TDRD6: variants seen among roughly 807,000 people sequenced by gnomAD.
TDRD6 encodes tudor domain-containing protein 6.
A neutral mutation model predicts 157.5 loss-of-function variants in TDRD6; 186 were observed. That is an observed-to-expected ratio of 1.18 (90% CI 1.05 to 1.33). TDRD6 has a LOEUF of 1.33. TDRD6 is among the 40% of genes most tolerant of loss of function. The pLI, the probability that TDRD6 is intolerant of heterozygous loss-of-function variation, is 0.00. For synonymous variants in TDRD6, 1,075 were observed against 945.2 expected, an observed-to-expected ratio of 1.14 and a Z score of -2.52; for missense variants, 3,066 against 2,508.0, an observed-to-expected ratio of 1.22 and a Z score of -4.75.
At position 46,692,457 on chromosome 6, in the gene TDRD6, C is replaced by T. The variant is rs747635902; in HGVS notation, c.4329C>T (p.Ser1443=). 23 of 1,613,754 alleles carry T rather than the reference C, an allele frequency of 1.4e-5. No individual in the cohort carries two copies. In the South Asian group the frequency reaches 2.2e-4, roughly 15 times the overall value. The change falls in exon 1 of 4, where the codon AGC becomes AGT. Residue 1443 remains serine (S), a synonymous_variant. Coordinates refer to ENST00000316081, the MANE Select transcript of TDRD6 (RefSeq NM_001010870.3). ...TGCATTACTTTTCCCAACGGACCAG[C>T]GAGGCTGCAATAAGATGTGAATTTG... ...KMMHYFSQRT[S]EAAIRCEFVK...
chr6:46,684,072 G>A (rs996206305), upstream of TDRD6, among the ~76,000 whole-genome samples: 2 of 152,084 alleles, frequency 1.3e-5, no homozygotes, highest in African/African-American at 4.8e-5. Flanking sequence ...CTTACAAATG[G>A]AGGCCAATCC....
rs926248937 is a variant in TDRD6, at chr6:46,704,285, A to G, written c.*2398A>G. On this transcript the variant is annotated 3_prime_UTR_variant, in exon 4 of 4. Coordinates refer to ENST00000316081, the MANE Select transcript of TDRD6 (RefSeq NM_001010870.3). ...TTTTTAACTTCGACACTGAAAAGGA[A>G]TCATCTTTAAAATTAAAATTTAGGC... 14 of 338,982 alleles carry G rather than the reference A, an allele frequency of 4.1e-5. No homozygotes were observed. Among genetic ancestry groups the G allele is most frequent in the Admixed American group, 8.7e-5 (2 of 22,962 alleles). 21.0% of individuals were successfully genotyped at this position (338,982 alleles called of 1,614,324 possible). A position where few individuals can be genotyped will look rare whatever the true frequency, so the allele number is the denominator to read the frequency against.
rs1554181194 is a variant in TDRD6 at position 46,693,582 on chromosome 6, A to G, written c.5454A>G (p.Thr1818=). 1.9e-6 allele frequency: 3 copies of G among 1,614,110 alleles called. No individual in the cohort carries two copies. Among genetic ancestry groups the G allele is most frequent in the Admixed American group, 3.3e-5 (2 of 60,000 alleles). Reference sequence around the variant, plus strand: ...AATACCTGATTACAGGATTTAACACATTACTACCACATGCTAATGAAACAA... The same window carrying G: ...AATACCTGATTACAGGATTTAACACGTTACTACCACATGCTAATGAAACAA... ...DDKYLITGFN[T]LLPHANETKE... The change falls in exon 1 of 4, where the codon ACA becomes ACG. Residue 1818 remains threonine, a synonymous_variant. Coordinates refer to ENST00000316081, the MANE Select transcript of TDRD6 (RefSeq NM_001010870.3).
upstream of TDRD6, among the ~76,000 whole-genome samples, chr6:46,685,011 T>TG (rs1375502848): frequency 6.7e-6 from 1 of 148,606 alleles, no homozygotes; most frequent in South Asian, 2.1e-4. Flanking sequence ...TATAACATTG[T>TG]GGGTTTTTTT....
chr6:46,695,686 C>A, intron 1 of TDRD6, 135 bp from the exon 2 acceptor site: 1 of 780,124 alleles, frequency 1.3e-6, no homozygotes, highest in Non-Finnish European at 1.9e-6. Flanking sequence ...TTGAGGGAGA[C>A]AGTCATACCA....
Position 46,687,975 on chromosome 6 carries a change from T to G in TDRD6, c.-154T>G. On this transcript the variant is annotated 5_prime_UTR_variant, in exon 1 of 4. Coordinates refer to ENST00000316081, the MANE Select transcript of TDRD6 (RefSeq NM_001010870.3). ...TCCCGGAGGACCCTCGACGGGGGAG[T>G]TGCCGAGAAAAGGCCTCGCCGGCAT... The G allele has an allele frequency of 1.6e-6, 2 of 1,213,242 alleles. No homozygotes were observed. The highest frequency in any genetic ancestry group is 1.8e-5 in the South Asian group (1 of 54,296). The allele number at this position is 1,213,242 out of a possible 1,614,324, so 75.2% of individuals were successfully genotyped here.
rs765591321 is a variant in TDRD6 at position 46,689,335 on chromosome 6, A to C, written c.1207A>C (p.Lys403Gln). The C allele has an allele frequency of 3.7e-6, 6 of 1,614,164 alleles. No homozygotes were observed. In the East Asian group the frequency reaches 1.3e-4, roughly 36 times the overall value. ...VGDLKTLILG[K>Q]AVNAKIEFYC... ...TGACCTGAAGACACTGATACTAGGCAAGGCAGTGAATGCAAAGATTGAATT... is the reference window on the plus strand; with the variant it reads ...TGACCTGAAGACACTGATACTAGGCCAGGCAGTGAATGCAAAGATTGAATT... The change falls in exon 1 of 4, where the codon AAG becomes CAG. Residue 403 changes from lysine to glutamine, a missense_variant. Lys to Gln is a moderately conservative substitution (Grantham distance 53). Transcript: ENST00000316081.
intron 2 of TDRD6, 46 bp from the exon 3 acceptor site, chr6:46,697,952 A>AT (rs1439133473): frequency 8.1e-6 from 9 of 1,114,682 alleles, no homozygotes; most frequent in Admixed American, 2.0e-5. Context: ...TAAATCAGTT[A>AT]TTTTTTTGAA....
In TDRD6 at chr6:46,689,706, T is replaced by C. The variant is rs1216095139; in HGVS notation, c.1578T>C (p.Ser526=). 3 of 1,614,256 alleles carry C rather than the reference T, an allele frequency of 1.9e-6. No individual in the cohort carries two copies. The South Asian group carries it at 3.3e-5, about 18-fold the overall frequency. The change falls in exon 1 of 4, where the codon TCT becomes TCC. Residue 526 remains serine, a synonymous_variant. Transcript: ENST00000316081. ...LMRRMCGFYS[S]ASKLDGVVLK... is the part of the protein sequence containing the mutation. ...GGAGAATGTGTGGTTTCTATTCCTC[T>C]GCCAGTAAGCTGGATGGTGTAGTTT...
chr6:46,696,575 G>A lies in TDRD6; in HGVS notation c.6171+630G>A, dbSNP rs1024916. On this transcript the variant is annotated intron_variant, in intron 2 of 3. Transcript: ENST00000316081. ...TATGTGTGTGTGTGTGTGTGTGTGT[G>A]TGTGTGTATATATATATATATATAT... Among the ~76,000 whole-genome samples, 500 of 56,952 alleles carry A rather than the reference G, an allele frequency of 8.8e-3. 1 individual carries two copies. Among genetic ancestry groups the A allele is most frequent in the African/African-American group, 0.028 (357 of 12,934 alleles). The allele number at this position is 56,952 out of a possible 152,430, so 37.4% of individuals were successfully genotyped here. A position where few individuals can be genotyped will look rare whatever the true frequency, so the allele number is the denominator to read the frequency against.
intron 1 of TDRD6, among the ~76,000 whole-genome samples, chr6:46,695,421 T>C (rs1164815300): frequency 2.0e-5 from 3 of 152,186 alleles, no homozygotes; most frequent in African/African-American, 7.2e-5. Context: ...TTATTCCTCA[T>C]TGTCATATTT....
the TDRD6 span, among the ~76,000 whole-genome samples, chr6:46,681,069 A>G: frequency 1.3e-5 from 2 of 152,172 alleles, no homozygotes; most frequent in Non-Finnish European, 2.9e-5. Flanking sequence ...CAAACTTCAA[A>G]TAGGAGCCAC....
At chr6:46,698,769 G>T (rs565032152) in intron 3 of TDRD6, among the ~76,000 whole-genome samples, 7 of 152,076 alleles carry the variant, frequency 4.6e-5, no homozygotes, top group Non-Finnish European at 1.0e-4. Context: ...GAGTAATTTT[G>T]GATTATATCC....
In TDRD6 at chr6:46,690,839, A is replaced by C. The variant is rs766534661; in HGVS notation, c.2711A>C (p.Gln904Pro). 12 of 1,613,726 alleles carry C rather than the reference A, an allele frequency of 7.4e-6. No individual in the cohort carries two copies. The Admixed American group carries it at 1.7e-4, about 22-fold the overall frequency. The change falls in exon 1 of 4, where the codon CAA (glutamine) becomes CCA (proline). Residue 904 changes from glutamine to proline, a missense_variant. Coordinates refer to ENST00000316081, the MANE Select transcript of TDRD6 (RefSeq NM_001010870.3). ...TTTGTTTGGGATGTAAAGGCAATAC[A>C]AGCTTTCAATGAATTTATAGATAAT... is the stretch of plus-strand genomic sequence containing the variant. ...NPFVWDVKAI[Q>P]AFNEFIDNAW... is the part of the protein sequence containing the mutation.
At chr6:46,694,293 C>T in intron 1 of TDRD6, 119 bp downstream of exon 1, 1 of 673,102 alleles carries the variant, frequency 1.5e-6, no homozygotes. Flanking sequence ...GCCTCTGCCT[C>T]CCAGGCTCTA....
In TDRD6 at chr6:46,698,088, G is replaced by A. The variant is rs777056632; in HGVS notation, c.6261+1G>A. 4.4e-6 allele frequency: 7 copies of A among 1,590,732 alleles called. No homozygotes were observed. The African/African-American group carries it at 5.4e-5, about 12-fold the overall frequency. On this transcript the variant is annotated splice_donor_variant, in intron 3 of 3. Coordinates refer to ENST00000316081, the MANE Select transcript of TDRD6 (RefSeq NM_001010870.3). LOFTEE classifies it high-confidence loss of function. ...CAAATTGGATAAGAGTCCACCTGAG[G>A]TATGGAATTCTATAAATAGTAATTA...
chr6:46,690,119 G>T lies in TDRD6; in HGVS notation c.1991G>T (p.Gly664Val), dbSNP rs745724876. Residue 664 changes from glycine to valine, a missense_variant, in exon 1 of 4, where the codon GGA becomes GTA. Physicochemically the swap from Gly to Val is moderately radical, Grantham distance 109 (BLOSUM62 -3). Coordinates refer to ENST00000316081, the MANE Select transcript of TDRD6 (RefSeq NM_001010870.3). ...ENISKVIAQA[G>V]YAKYQEFETK... ...ATTAGTAAGGTAATTGCCCAAGCTG[G>T]ATATGCCAAGTATCAGGAATTTGAA... The T allele has an allele frequency of 6.2e-7, 1 of 1,613,648 alleles. No homozygotes were observed. The highest frequency in any genetic ancestry group is 1.1e-5 in the South Asian group (1 of 91,002).
In TDRD6 at chr6:46,701,731, T is replaced by A. The variant is rs1022398702; in HGVS notation, c.6262-127T>A. ...TATAGAAATAATGCCCTATAGTAAT[T>A]AGAATACTCATCTGTCCCCTCTCCC... On this transcript the variant is annotated intron_variant, in intron 3 of 3. Transcript: ENST00000316081. 1.5e-5 allele frequency: 12 copies of A among 790,762 alleles called. No individual in the cohort carries two copies. In the African/African-American group the frequency reaches 1.7e-4, roughly 11 times the overall value. The allele number at this position is 790,762 out of a possible 1,614,324, so 49.0% of individuals were successfully genotyped here. A position where few individuals can be genotyped will look rare whatever the true frequency, so the allele number is the denominator to read the frequency against.
At chr6:46,696,016 T>TCA in intron 2 of TDRD6, 71 bp downstream of exon 2, 5 of 1,533,498 alleles carry the variant, frequency 3.3e-6, no homozygotes, top group Non-Finnish European at 4.4e-6. Flanking sequence ...CCAGACTCTG[T>TCA]CAGACTAGAG....
Sources: gnomAD v4.1 joint callset for allele counts (sites outside exome capture counted in the v4.1 genomes callset) on GRCh38, gnomAD v4.1.1 for gene constraint, MANE v1.5 for transcripts, NCBI Gene and HGNC (gene_info 2026-07-23, HGNC 2026-07-21) for gene names.